The following TENM2 variants were observed in gnomAD, a reference collection of about 807,000 sequenced individuals.
TENM2 encodes teneurin transmembrane protein 2.
TENM2 carries 52 observed loss-of-function variants against 245.2 expected under a neutral mutation model. That is an observed-to-expected ratio of 0.21 (90% CI 0.17 to 0.27). The LOEUF (loss-of-function observed/expected upper bound fraction) is 0.27. Among genes scored for constraint, TENM2 ranks in the 10% least tolerant of loss-of-function variants. The pLI, the probability that TENM2 is intolerant of heterozygous loss-of-function variation, is 1.00. For synonymous variants in TENM2, 1,363 were observed against 1,438.9 expected (o/e 0.95, Z 1.19); for missense variants, 3,046 against 3,666.8 (o/e 0.83, Z 4.37).
chr5:167,142,589 C>T, the TENM2 span, among the ~76,000 whole-genome samples: 1 of 152,084 alleles, frequency 6.6e-6, no homozygotes, highest in Non-Finnish European at 1.5e-5. Context: ...CTCACTCTTT[C>T]ACCCAGGCTG....
chr5:167,104,148 A>G, the TENM2 span, among the ~76,000 whole-genome samples: 1 of 151,796 alleles, frequency 6.6e-6, no homozygotes, highest in Non-Finnish European at 1.5e-5. Context: ...CACTCTGCCT[A>G]CTAGATTATA....
At chr5:167,888,714 C>G (rs1774495853) in intron 3 of TENM2, among the ~76,000 whole-genome samples, 1 of 152,148 alleles carries the variant, frequency 6.6e-6, no homozygotes, top group Non-Finnish European at 1.5e-5. Context: ...CTAGCTCAGG[C>G]CTTTCCTTTG....
At chr5:167,043,859 A>C in the TENM2 span, among the ~76,000 whole-genome samples, 1 of 152,218 alleles carries the variant, frequency 6.6e-6, no homozygotes, top group Admixed American at 6.5e-5. Context: ...GTCTCTACTA[A>C]AAATACAAAA....
rs556559712 is a variant in TENM2, at chr5:167,421,295, T to C, written c.502+45822T>C. On this transcript the variant is annotated intron_variant, in intron 2 of 28. Coordinates refer to ENST00000518659, the Ensembl canonical transcript of TENM2. ...AATTATATTTGAATATTAATGGTTG[T>C]TTTGCAAAGCATTGTTCTGATAGAG... Among the ~76,000 whole-genome samples the C allele has an allele frequency of 1.1e-3, 163 of 152,328 alleles. 1 individual carries two copies. The highest frequency in any genetic ancestry group is 3.7e-3 in the African/African-American group (154 of 41,578).
intron 2 of TENM2, among the ~76,000 whole-genome samples, chr5:167,865,374 A>G (rs1194706247): frequency 1.3e-5 from 2 of 152,050 alleles, no homozygotes; most frequent in Non-Finnish European, 2.9e-5. Context: ...CCTGGGCTCA[A>G]GCAGTCTTCC....
intron 13 of TENM2, among the ~76,000 whole-genome samples, chr5:168,170,321 T>C (rs1353328045): frequency 6.6e-6 from 1 of 152,072 alleles, no homozygotes; most frequent in Admixed American, 6.6e-5. Context: ...CTGGCCAATA[T>C]GGTGAAACTC....
intron 1 of TENM2, among the ~76,000 whole-genome samples, chr5:167,346,940 A>AT (rs757594733): frequency 7.2e-5 from 11 of 151,976 alleles, no homozygotes; most frequent in Non-Finnish European, 1.3e-4. Flanking sequence ...ACACCCAGCT[A>AT]TTTTTTTATA....
chr5:168,182,124 T>A (rs1338209247), intron 13 of TENM2, among the ~76,000 whole-genome samples: 1 of 152,154 alleles, frequency 6.6e-6, no homozygotes, highest in Non-Finnish European at 1.5e-5. Flanking sequence ...ATCTATTGCT[T>A]TAAAAGGTTC....
At chr5:167,113,642 C>CAA in the TENM2 span, among the ~76,000 whole-genome samples, 13 of 96,434 alleles carry the variant, frequency 1.3e-4, no homozygotes, top group Non-Finnish European at 2.4e-4. Flanking sequence ...GATCCTGTCT[C>CAA]AAAAAAAAAA....
the TENM2 span, among the ~76,000 whole-genome samples, chr5:167,251,131 A>G: frequency 2.0e-5 from 3 of 152,148 alleles, no homozygotes; most frequent in African/African-American, 7.2e-5. Flanking sequence ...GAATACATTC[A>G]GAGGGATTGT....
chr5:167,254,506 G>A, the TENM2 span, among the ~76,000 whole-genome samples: 2 of 152,072 alleles, frequency 1.3e-5, no homozygotes, highest in Admixed American at 6.6e-5. Context: ...CAATGAACCA[G>A]CCCTTCTCTT....
At chr5:167,570,540 G>A (rs1467866003) in intron 2 of TENM2, among the ~76,000 whole-genome samples, 2 of 152,170 alleles carry the variant, frequency 1.3e-5, no homozygotes, top group Non-Finnish European at 2.9e-5. Flanking sequence ...AAGGTCGTAT[G>A]TAGAATAATG....
intron 2 of TENM2, among the ~76,000 whole-genome samples, chr5:167,810,630 A>G (rs1309617045): frequency 6.6e-6 from 1 of 152,008 alleles, no homozygotes; most frequent in African/African-American, 2.4e-5. Context: ...GGAAAAAAAA[A>G]AAGAAAACTC....
chr5:167,150,817 G>A, the TENM2 span, among the ~76,000 whole-genome samples: 1 of 152,172 alleles, frequency 6.6e-6, no homozygotes, highest in Non-Finnish European at 1.5e-5. Flanking sequence ...TGTAATGACT[G>A]CAGCAAGCAC....
At chr5:167,489,596 G>C (rs1324922475) in intron 2 of TENM2, among the ~76,000 whole-genome samples, 1 of 152,184 alleles carries the variant, frequency 6.6e-6, no homozygotes, top group Non-Finnish European at 1.5e-5. Context: ...ATGTCACTTA[G>C]CACCTTCTAA....
At chr5:167,353,431 G>C (rs1366099734) in intron 1 of TENM2, among the ~76,000 whole-genome samples, 1 of 149,744 alleles carries the variant, frequency 6.7e-6, no homozygotes, top group African/African-American at 2.5e-5. Context: ...CTGATCTAAG[G>C]CTTTGGGTCC....
intron 3 of TENM2, among the ~76,000 whole-genome samples, chr5:167,932,969 C>T (rs191822472): frequency 1.6e-3 from 239 of 152,226 alleles, no homozygotes; most frequent in Non-Finnish European, 2.6e-3. Context: ...ATCTTTGCAG[C>T]CCCAGCCTAA....
At chr5:167,126,762 C>T in the TENM2 span, among the ~76,000 whole-genome samples, 1 of 151,884 alleles carries the variant, frequency 6.6e-6, no homozygotes. Context: ...AGAGGAAAAC[C>T]CCAAAGATTA....
chr5:167,140,461 T>C, the TENM2 span, among the ~76,000 whole-genome samples: 1 of 152,172 alleles, frequency 6.6e-6, no homozygotes, highest in African/African-American at 2.4e-5. Context: ...ATTCACCTTT[T>C]TTACTTCTCA....
Sources: gnomAD v4.1 joint callset for allele counts (sites outside exome capture counted in the v4.1 genomes callset) on GRCh38, gnomAD v4.1.1 for gene constraint, MANE v1.5 for transcripts, NCBI Gene and HGNC (gene_info 2026-07-23, HGNC 2026-07-21) for gene names.